Variants in SGCZ observed in about 807,000 individuals in gnomAD.
SGCZ encodes zeta-sarcoglycan.
SGCZ carries 40 observed loss-of-function variants against 41.3 expected under a neutral mutation model. The ratio of observed to expected loss-of-function variants is 0.97; its 90% CI spans 0.75 to 1.26. SGCZ has a LOEUF of 1.26. Ranked by LOEUF, SGCZ falls within the 50% of genes most tolerant of loss-of-function variation. SGCZ has a pLI of 0.00. For missense variants in SGCZ, 552 were observed against 369.8 expected (o/e 1.49, Z -4.04); for synonymous variants, 206 against 137.5 (o/e 1.50, Z -3.49).
intron 4 of SGCZ, among the ~76,000 whole-genome samples, chr8:14,177,674 TA>T (rs1177037499): frequency 6.7e-5 from 7 of 104,020 alleles, no homozygotes; most frequent in South Asian, 2.7e-4. Context: ...CACGCCCTGC[TA>T]TTTTTTTTTT....
At chr8:15,059,191 C>T (rs927085896) in intron 1 of SGCZ, among the ~76,000 whole-genome samples, 5 of 152,112 alleles carry the variant, frequency 3.3e-5, no homozygotes, top group African/African-American at 1.2e-4. Context: ...TAGATATTCT[C>T]GATTAAAATT....
intron 1 of SGCZ, among the ~76,000 whole-genome samples, chr8:14,921,269 G>A (rs772355934): frequency 1.3e-5 from 2 of 152,088 alleles, no homozygotes; most frequent in Non-Finnish European, 2.9e-5. Context: ...GACCTAAAAT[G>A]ATCTATGAGG....
intron 3 of SGCZ, among the ~76,000 whole-genome samples, chr8:14,240,697 T>C (rs888844571): frequency 1.3e-5 from 2 of 152,186 alleles, no homozygotes; most frequent in African/African-American, 4.8e-5. Context: ...AAACCAAGTA[T>C]CCATTTTTGA....
At position 14,085,101 on chromosome 8, in the gene SGCZ, T is replaced by G. The variant is rs1397679805; in HGVS notation, c.*5342A>C. Among the ~76,000 whole-genome samples, 2 of 151,848 alleles carry G rather than the reference T, an allele frequency of 1.3e-5. No homozygotes were observed. Among genetic ancestry groups the G allele is most frequent in the Non-Finnish European group, 2.9e-5 (2 of 67,844 alleles). On this transcript the variant is annotated 3_prime_UTR_variant, in exon 8 of 8. Coordinates refer to ENST00000382080, the MANE Select transcript of SGCZ (RefSeq NM_139167.4). ...CAATAGACTGATTTTTGAATAGATA[T>G]GTTATCTACAGTTTATAGGGCAGAC...
chr8:14,138,159 T>G (rs1306866936), intron 5 of SGCZ, among the ~76,000 whole-genome samples: 1 of 152,100 alleles, frequency 6.6e-6, no homozygotes, highest in Non-Finnish European at 1.5e-5. Context: ...CAGGCCTGCC[T>G]TACAAGAGCT....
chr8:14,370,876 G>A (rs1233333967), intron 2 of SGCZ, among the ~76,000 whole-genome samples: 1 of 151,812 alleles, frequency 6.6e-6, no homozygotes, highest in Non-Finnish European at 1.5e-5. Flanking sequence ...TTTTCTTACT[G>A]ACTGTGTAAT....
chr8:14,938,256 T>C (rs1001000844), intron 1 of SGCZ, among the ~76,000 whole-genome samples: 11 of 152,122 alleles, frequency 7.2e-5, no homozygotes, highest in African/African-American at 2.4e-4. Context: ...GAGGAAGATA[T>C]GGATTCAAAA....
At chr8:14,100,884 CT>C (rs1801999328) in intron 7 of SGCZ, among the ~76,000 whole-genome samples, 1 of 151,738 alleles carries the variant, frequency 6.6e-6, no homozygotes, top group Admixed American at 6.6e-5. Context: ...TCTTTTTCTT[CT>C]CAATTTGACC....
intron 1 of SGCZ, among the ~76,000 whole-genome samples, chr8:15,061,894 A>C (rs1261466032): frequency 6.6e-6 from 1 of 152,216 alleles, no homozygotes; most frequent in Non-Finnish European, 1.5e-5. Flanking sequence ...GAAATTTCAC[A>C]CAAAGCTATT....
chr8:15,015,337 T>C (rs980673668), intron 1 of SGCZ, among the ~76,000 whole-genome samples: 3 of 152,262 alleles, frequency 2.0e-5, no homozygotes, highest in South Asian at 4.1e-4. Flanking sequence ...AGATGATAGA[T>C]GGATTATTTA....
chr8:14,961,965 G>T (rs766446750), intron 1 of SGCZ, among the ~76,000 whole-genome samples: 7 of 152,146 alleles, frequency 4.6e-5, no homozygotes, highest in Non-Finnish European at 8.8e-5. Context: ...CCTTCTTGCG[G>T]AGCACTGATT....
At chr8:14,581,193 CTG>C (rs1804876380) in intron 1 of SGCZ, among the ~76,000 whole-genome samples, 1 of 152,142 alleles carries the variant, frequency 6.6e-6, no homozygotes, top group African/African-American at 2.4e-5. Context: ...CTTGCAACCT[CTG>C]TCTCCCAGGT....
chr8:14,440,178 G>A (rs1436423822), intron 2 of SGCZ, among the ~76,000 whole-genome samples: 1 of 151,824 alleles, frequency 6.6e-6, no homozygotes, highest in Non-Finnish European at 1.5e-5. Context: ...GTTTGCCCAA[G>A]AATTTTTTAA....
chr8:15,057,189 G>A (rs1804742862), intron 1 of SGCZ, among the ~76,000 whole-genome samples: 1 of 152,140 alleles, frequency 6.6e-6, no homozygotes, highest in African/African-American at 2.4e-5. Flanking sequence ...TTCAAAGGGT[G>A]GCTTCACCCC....
intron 2 of SGCZ, among the ~76,000 whole-genome samples, chr8:14,415,762 C>T (rs539766562): frequency 6.6e-6 from 1 of 151,938 alleles, no homozygotes; most frequent in East Asian, 1.9e-4. Context: ...GATGCACCAC[C>T]TCAAATTTGT....
At chr8:14,996,977 C>T (rs17120697) in intron 1 of SGCZ, among the ~76,000 whole-genome samples, 6 of 152,150 alleles carry the variant, frequency 3.9e-5, no homozygotes, top group South Asian at 4.1e-4. Flanking sequence ...GTAAGGAAGA[C>T]GCTCTTTTGT....
At chr8:14,983,185 CTTTTTTCT>C (rs1452413513) in intron 1 of SGCZ, among the ~76,000 whole-genome samples, 8 of 63,710 alleles carry the variant, frequency 1.3e-4, no homozygotes, top group African/African-American at 4.1e-4. Context: ...TTTTTTTTTT[CTTTTTTCT>C]TTTTTTTTTT....
In SGCZ at chr8:15,193,934, A is replaced by T. The variant is rs193298548; in HGVS notation, c.39+43651T>A. Among the ~76,000 whole-genome samples, 268 of 152,214 alleles carry T rather than the reference A, an allele frequency of 1.8e-3. 1 individual carries two copies. The highest frequency in any genetic ancestry group is 3.5e-3 in the Admixed American group (54 of 15,288). ...ATCACTACATCTCAAACATGTTCTTATCTTAATATTCTAGCAGCTAAAAGC... is the reference window on the plus strand; with the variant it reads ...ATCACTACATCTCAAACATGTTCTTTTCTTAATATTCTAGCAGCTAAAAGC... On this transcript the variant is annotated intron_variant, in intron 1 of 7. Transcript: ENST00000382080.
At chr8:14,192,544 G>T (rs1019097288) in intron 4 of SGCZ, among the ~76,000 whole-genome samples, 2 of 151,750 alleles carry the variant, frequency 1.3e-5, no homozygotes, top group African/African-American at 4.8e-5. Context: ...CATTGCATAT[G>T]ATATTTGAGT....
Sources: allele counts gnomAD v4.1 joint callset (sites outside exome capture counted in the v4.1 genomes callset), GRCh38; gene constraint gnomAD v4.1.1; transcripts MANE v1.5; gene names NCBI Gene and HGNC (gene_info 2026-07-23, HGNC 2026-07-21).